Variants in FOXP1 observed in about 807,000 individuals in gnomAD.
FOXP1 encodes the protein forkhead box protein P1.
FOXP1 carries 15 observed loss-of-function variants against 98.2 expected under a neutral mutation model. The observed-to-expected ratio is 0.15, with a 90% CI of 0.10 to 0.24. FOXP1 has a LOEUF of 0.24. FOXP1 is among the 10% of genes least tolerant of loss of function. The pLI, the probability that FOXP1 is intolerant of heterozygous loss-of-function variation, is 1.00. For missense variants in FOXP1, 633 were observed against 848.5 expected (o/e 0.75, Z 3.15); for synonymous variants, 371 against 314.5 (o/e 1.18, Z -1.90).
chr3:71,164,450 C>T (rs1277828942), intron 6 of FOXP1, among the ~76,000 whole-genome samples: 2 of 152,174 alleles, frequency 1.3e-5, no homozygotes, highest in African/African-American at 4.8e-5. Context: ...CTGCCCGCCT[C>T]GGCCTCGCAA....
intron 5 of FOXP1, among the ~76,000 whole-genome samples, chr3:71,251,416 A>G (rs17008402): frequency 0.35 from 52,598 of 152,170 alleles, 9,429 homozygotes; most frequent in East Asian, 0.6. Flanking sequence ...TGGATTTTTC[A>G]GCTTAGCGAG....
intron 17 of FOXP1, among the ~76,000 whole-genome samples, chr3:70,976,090 C>T (rs1449769327): frequency 6.7e-6 from 1 of 149,298 alleles, no homozygotes; most frequent in Admixed American, 6.7e-5. Context: ...TGCTCTGTTG[C>T]CCAGGCTGGA....
chr3:71,058,501 C>T lies in FOXP1; in HGVS notation c.283-4728G>A, dbSNP rs866982934. 4.0e-5 allele frequency among the ~76,000 whole-genome samples: 6 copies of T among 151,672 alleles called. No individual in the cohort carries two copies. In the South Asian group the frequency reaches 1.2e-3, roughly 32 times the overall value. ...AACTGACCAGGTTTGGCAGTGTCAC[C>T]TGGTTAATCAAATAGCAGGAGCAAA... On this transcript the variant is annotated intron_variant, in intron 7 of 20. Transcript: ENST00000649528.
intron 3 of FOXP1, among the ~76,000 whole-genome samples, chr3:71,451,843 T>C (rs1272132503): frequency 6.6e-6 from 1 of 152,188 alleles, no homozygotes; most frequent in Non-Finnish European, 1.5e-5. Flanking sequence ...TTAAATTACT[T>C]AGTTATTAAA....
intron 19 of FOXP1, among the ~76,000 whole-genome samples, chr3:70,967,415 T>C (rs975583093): frequency 1.3e-5 from 2 of 152,186 alleles, no homozygotes; most frequent in Non-Finnish European, 1.5e-5. Context: ...CGGCCCTATG[T>C]AAGCCCACAG....
intron 2 of FOXP1, among the ~76,000 whole-genome samples, chr3:71,552,688 G>A (rs2045864861): frequency 6.6e-6 from 1 of 151,888 alleles, no homozygotes; most frequent in Admixed American, 6.6e-5. Context: ...TATGGAACTG[G>A]CAAAGAACTA....
At chr3:71,542,924 T>C (rs2044990319) in intron 2 of FOXP1, among the ~76,000 whole-genome samples, 2 of 152,186 alleles carry the variant, frequency 1.3e-5, no homozygotes, top group African/African-American at 4.8e-5. Context: ...ATCCTCAAAC[T>C]GCAGCTTCGC....
chr3:71,407,020 T>C (rs1431003103), intron 3 of FOXP1, among the ~76,000 whole-genome samples: 1 of 152,118 alleles, frequency 6.6e-6, no homozygotes, highest in East Asian at 1.9e-4. Context: ...TATGCTATCA[T>C]GTTCAATAAG....
chr3:71,094,284 T>C (rs983943095), intron 7 of FOXP1, among the ~76,000 whole-genome samples: 1 of 145,870 alleles, frequency 6.9e-6, no homozygotes, highest in South Asian at 2.2e-4. Flanking sequence ...TTTTCTTTTT[T>C]TTTTTTTTTT....
At chr3:70,961,437 G>A (rs2033475214) in intron 20 of FOXP1, among the ~76,000 whole-genome samples, 1 of 151,136 alleles carries the variant, frequency 6.6e-6, no homozygotes, top group South Asian at 2.1e-4. Context: ...CACCATATTG[G>A]TGAGGCTGGT....
chr3:71,137,735 T>C (rs2059889608), intron 6 of FOXP1, among the ~76,000 whole-genome samples: 1 of 152,122 alleles, frequency 6.6e-6, no homozygotes. Context: ...TGCATCTGGA[T>C]GGTGCCCACT....
intron 5 of FOXP1, among the ~76,000 whole-genome samples, chr3:71,267,017 G>A (rs535117455): frequency 1.3e-5 from 2 of 152,156 alleles, no homozygotes; most frequent in Non-Finnish European, 2.9e-5. Flanking sequence ...CAAAGAACTT[G>A]AACCTGCAGA....
At chr3:71,100,843 AATTTAATGC>A (rs2056891041) in intron 7 of FOXP1, among the ~76,000 whole-genome samples, 1 of 152,180 alleles carries the variant, frequency 6.6e-6, no homozygotes, top group Admixed American at 6.5e-5. Context: ...CGGGACATCT[AATTTAATGC>A]AAAGCTGGAA....
At chr3:71,371,938 C>A (rs1477166052) in intron 3 of FOXP1, among the ~76,000 whole-genome samples, 5 of 152,166 alleles carry the variant, frequency 3.3e-5, no homozygotes, top group Non-Finnish European at 7.3e-5. Flanking sequence ...TGAGGCTTAG[C>A]CCTCTTCATT....
intron 5 of FOXP1, among the ~76,000 whole-genome samples, chr3:71,273,704 A>G (rs1255967136): frequency 6.6e-6 from 1 of 152,164 alleles, no homozygotes; most frequent in African/African-American, 2.4e-5. Flanking sequence ...GACAATGAGC[A>G]AAAAAAGAAA....
At chr3:71,386,470 C>T (rs1189950868) in intron 3 of FOXP1, among the ~76,000 whole-genome samples, 3 of 152,140 alleles carry the variant, frequency 2.0e-5, no homozygotes, top group Non-Finnish European at 4.4e-5. Flanking sequence ...ACGCCCTGTG[C>T]GGTGGCTCAT....
chr3:71,266,302 C>G (rs1301154486), intron 5 of FOXP1, among the ~76,000 whole-genome samples: 1 of 151,894 alleles, frequency 6.6e-6, no homozygotes, highest in South Asian at 2.1e-4. Context: ...CTGGATGGAG[C>G]ACAGTGGCTT....
intron 3 of FOXP1, among the ~76,000 whole-genome samples, chr3:71,493,005 A>C (rs2091171022): frequency 6.6e-6 from 1 of 152,194 alleles, no homozygotes. Context: ...CTGATCATAC[A>C]AAAAGTTTGG....
chr3:70,973,392 A>G (rs545017182), intron 17 of FOXP1, among the ~76,000 whole-genome samples: 1 of 152,344 alleles, frequency 6.6e-6, no homozygotes, highest in African/African-American at 2.4e-5. Flanking sequence ...CAAAATGACT[A>G]TATTCCTACA....
Sources: allele counts gnomAD v4.1 joint callset (sites outside exome capture counted in the v4.1 genomes callset), GRCh38; gene constraint gnomAD v4.1.1; transcripts MANE v1.5; gene names NCBI Gene and HGNC (gene_info 2026-07-23, HGNC 2026-07-21).